The following PANK1 variants were observed in gnomAD, a reference collection of about 807,000 sequenced individuals.
PANK1 encodes the protein pantothenic acid kinase 1.
PANK1 carries 18 observed loss-of-function variants against 40.1 expected under a neutral mutation model. The observed-to-expected ratio is 0.45, with a 90% CI of 0.31 to 0.67. The LOEUF is 0.67. PANK1 is among the 30% of genes least tolerant of loss of function. PANK1 has a pLI of 0.06. For synonymous variants in PANK1, 242 were observed against 237.7 expected (o/e 1.02, Z -0.17); for missense variants, 457 against 599.6 (o/e 0.76, Z 2.48).
chr10:89,614,355 A>G (rs1294355211), intron 1 of PANK1, among the ~76,000 whole-genome samples: 1 of 152,230 alleles, frequency 6.6e-6, no homozygotes, highest in African/African-American at 2.4e-5. Flanking sequence ...TAGGCATAAG[A>G]ATGTTCACCG....
chr10:89,624,882 T>G (rs552353039), intron 1 of PANK1, among the ~76,000 whole-genome samples: 28 of 152,318 alleles, frequency 1.8e-4, no homozygotes, highest in African/African-American at 4.1e-4. Context: ...TCAAAATGAA[T>G]ACTGTAAGTA....
chr10:89,627,466 G>A (rs540405059), intron 1 of PANK1, among the ~76,000 whole-genome samples: 20 of 152,264 alleles, frequency 1.3e-4, no homozygotes, highest in Non-Finnish European at 4.4e-5. Flanking sequence ...GGGGGTCCTG[G>A]AACCAATACA....
At chr10:89,589,461 A>G (rs1239028915) in intron 5 of PANK1, among the ~76,000 whole-genome samples, 1 of 151,950 alleles carries the variant, frequency 6.6e-6, no homozygotes, top group African/African-American at 2.4e-5. Context: ...GCTCCAGTGC[A>G]CTCGTTATAC....
intron 5 of PANK1, 85 bp downstream of exon 5, chr10:89,593,112 T>A (rs1844451260): frequency 3.0e-6 from 4 of 1,315,936 alleles, no homozygotes; most frequent in Non-Finnish European, 4.3e-6. Flanking sequence ...GGATATGTAG[T>A]TGTGTAAGAG....
intron 1 of PANK1, among the ~76,000 whole-genome samples, 177 bp downstream of exon 1, chr10:89,644,423 G>C (rs1324695736): frequency 6.6e-6 from 1 of 152,256 alleles, no homozygotes; most frequent in South Asian, 2.1e-4. Context: ...AAGACCTGTA[G>C]TGCTTGATGT....
chr10:89,608,434 T>A (rs572652479), intron 2 of PANK1, among the ~76,000 whole-genome samples: 1 of 152,218 alleles, frequency 6.6e-6, no homozygotes, highest in Non-Finnish European at 1.5e-5. Context: ...AGTGCAGACC[T>A]GTTCAACTGA....
downstream of PANK1, chr10:89,582,581 G>T (rs1844071497): frequency 6.6e-6 from 1 of 152,182 alleles, no homozygotes; most frequent in African/African-American, 2.4e-5. Context: ...AATAGGAATA[G>T]AAGAGGCCAT....
intron 1 of PANK1, among the ~76,000 whole-genome samples, chr10:89,612,581 C>T (rs1292861407): frequency 6.6e-6 from 1 of 152,102 alleles, no homozygotes; most frequent in African/African-American, 2.4e-5. Flanking sequence ...TATGAACTGA[C>T]TTTAGAAGAT....
chr10:89,595,816 TAAA>T (rs1192374008), intron 3 of PANK1, among the ~76,000 whole-genome samples: 729 of 40,644 alleles, frequency 0.018, 12 homozygotes, highest in Middle Eastern at 0.045. Flanking sequence ...GACTCCATCT[TAAA>T]AAAAAAAAAA....
rs11592870 is a variant in PANK1, at chr10:89,599,359, C to G, written c.792G>C (p.Pro264=). 19 of 1,613,732 alleles carry G rather than the reference C, an allele frequency of 1.2e-5. No individual in the cohort carries two copies. The Admixed American group carries it at 2.8e-4, about 24-fold the overall frequency. The change falls in exon 3 of 7, where the codon CCG becomes CCC. Residue 264 remains proline, a synonymous_variant. Transcript: ENST00000307534. The stretch of plus-strand genomic sequence containing the variant: ...TAGGGTATGGGTTATCAAGGCAGTA[C>G]GGCTTTTTTTGACACAATTCAGGAT... ...PTNPELCQKK[P]YCLDNPYPML...
intron 3 of PANK1, among the ~76,000 whole-genome samples, chr10:89,597,944 T>C (rs1024555164): frequency 6.6e-6 from 1 of 152,214 alleles, no homozygotes; most frequent in African/African-American, 2.4e-5. Flanking sequence ...TGGTAGCAAT[T>C]AACTTACAAA....
chr10:89,640,317 G>A (rs1246698437), intron 1 of PANK1, among the ~76,000 whole-genome samples: 2 of 152,022 alleles, frequency 1.3e-5, no homozygotes, highest in African/African-American at 2.4e-5. Flanking sequence ...TTGTTTTGAT[G>A]TAATTCTCTT....
Position 89,599,599 on chromosome 10 carries a change from C to T in PANK1, c.646-94G>A, listed in dbSNP as rs187669519. ...GTTTTATTTAAGATGGGGTCATTCA[C>T]ATGAAAAGCATGGAGACACCCTTAA... On this transcript the variant is annotated intron_variant, in intron 2 of 6. Coordinates refer to ENST00000307534, the MANE Select transcript of PANK1 (RefSeq NM_148977.3). The T allele has an allele frequency of 1.1e-5, 13 of 1,185,192 alleles. No individual in the cohort carries two copies. The Admixed American group carries it at 2.8e-4, about 26-fold the overall frequency. 73.4% of individuals were successfully genotyped at this position (1,185,192 alleles called of 1,614,324 possible). A position where few individuals can be genotyped will look rare whatever the true frequency, so the allele number is the denominator to read the frequency against.
intron 1 of PANK1, among the ~76,000 whole-genome samples, chr10:89,618,685 C>T (rs541216050): frequency 3.3e-5 from 5 of 152,296 alleles, no homozygotes; most frequent in East Asian, 1.9e-4. Context: ...CCTAACCTGG[C>T]TGGTAAGTTG....
At position 89,595,864 on chromosome 10, in the gene PANK1, AT is replaced by A. The variant is rs1564620177; in HGVS notation, c.900-1876del. 8.3e-4 allele frequency among the ~76,000 whole-genome samples: 99 copies of A among 119,308 alleles called. 5 individuals carry two copies. The highest frequency in any genetic ancestry group is 4.3e-3 in the Middle Eastern group (1 of 232). The allele number at this position is 119,308 out of a possible 152,430, so 78.3% of individuals were successfully genotyped here. ...TATATATATATATATATATATATAT[AT>A]ATATATATAACTTCATTTACTAATA... On this transcript the variant is annotated intron_variant, in intron 3 of 6. Transcript: ENST00000307534.
chr10:89,611,799 T>G lies in PANK1; in HGVS notation c.542A>C (p.His181Pro). The change falls in exon 2 of 7, where the codon CAC (histidine) becomes CCC (proline). Residue 181 changes from histidine to proline, a missense_variant. Physicochemically the swap from His to Pro is moderately conservative, Grantham distance 77. This residue lies in a region of PANK1 where 286 missense variants were observed against 415.8 expected (regional missense o/e 0.69). Transcript: ENST00000307534. ...HFIRFPSCAM[H>P]RFIQMGSEKN... is the part of the protein sequence containing the mutation. Reference sequence around the variant, plus strand: ...CTCGCTGCCCATCTGAATGAACCTGTGCATAGCACAGCTGGGAAAGCGGAT... The same window carrying G: ...CTCGCTGCCCATCTGAATGAACCTGGGCATAGCACAGCTGGGAAAGCGGAT... 2 of 1,614,200 alleles carry G rather than the reference T, an allele frequency of 1.2e-6. No individual in the cohort carries two copies. Among genetic ancestry groups the G allele is most frequent in the Non-Finnish European group, 8.5e-7 (1 of 1,180,022 alleles).
At chr10:89,604,425 C>A (rs1214152376) in intron 2 of PANK1, among the ~76,000 whole-genome samples, 1 of 152,126 alleles carries the variant, frequency 6.6e-6, no homozygotes, top group African/African-American at 2.4e-5. Context: ...GGGGCGGTGG[C>A]TTATGCCTGT....
chr10:89,617,894 T>A (rs748530725), intron 1 of PANK1, among the ~76,000 whole-genome samples: 36 of 152,200 alleles, frequency 2.4e-4, no homozygotes, highest in Non-Finnish European at 4.7e-4. Flanking sequence ...AACTGCAATC[T>A]CACACCTAAA....
At chr10:89,595,827 AAAAAAAATATATAT>A (rs1844558496) in intron 3 of PANK1, among the ~76,000 whole-genome samples, 3 of 71,390 alleles carry the variant, frequency 4.2e-5, no homozygotes, top group South Asian at 5.7e-4. Context: ...AAAAAAAAAA[AAAAAAAATATATAT>A]ATATATATAT....
Sources: allele counts gnomAD v4.1 joint callset (sites outside exome capture counted in the v4.1 genomes callset), GRCh38; gene constraint gnomAD v4.1.1; regional missense constraint gnomAD v4.1.1; transcripts MANE v1.5; gene names NCBI Gene and HGNC (gene_info 2026-07-23, HGNC 2026-07-21).